The following PPP1R12C variants were observed in gnomAD, a reference collection of about 807,000 sequenced individuals.
The protein encoded by PPP1R12C is protein phosphatase 1 regulatory subunit 12C.
PPP1R12C carries 48 observed loss-of-function variants against 95.6 expected under a neutral mutation model. The ratio of observed to expected loss-of-function variants is 0.50; its 90% confidence interval spans 0.40 to 0.64. The LOEUF (loss-of-function observed/expected upper bound fraction) is 0.64. Among genes scored for constraint, PPP1R12C ranks in the 30% least tolerant of loss-of-function variants. PPP1R12C has a pLI of 0.00. For missense variants in PPP1R12C, 1,057 were observed against 1,083.3 expected (o/e 0.98, Z 0.34); for synonymous variants, 480 against 460.8 (o/e 1.04, Z -0.53).
At chr19:55,104,330 T>C (rs192088630) in intron 3 of PPP1R12C, among the ~76,000 whole-genome samples, 72 of 149,846 alleles carry the variant, frequency 4.8e-4, no homozygotes, top group Non-Finnish European at 8.4e-4. Flanking sequence ...ATAAAACCTA[T>C]ATATATATCT....
rs540630506 is a variant in PPP1R12C at position 55,112,391 on chromosome 19, G to A, written c.571+76C>T. On this transcript the variant is annotated intron_variant, in intron 3 of 21. Transcript: ENST00000263433. The stretch of plus-strand genomic sequence containing the variant: ...CAGGGTCAGCCTCGGTGCCCAGGCC[G>A]CCTCTAAAGCTCTCAGCCTGGAGAC... The A allele has an allele frequency of 4.0e-5, 53 of 1,338,476 alleles. No homozygotes were observed. The African/African-American group carries it at 4.7e-4, about 12-fold the overall frequency. The allele number at this position is 1,338,476 out of a possible 1,614,324, so 82.9% of individuals were successfully genotyped here.
intron 1 of PPP1R12C, chr19:55,113,503 G>T (rs975878236): frequency 1.2e-5 from 17 of 1,418,606 alleles, no homozygotes; most frequent in African/African-American, 1.2e-4. Flanking sequence ...TTCCCTTAGG[G>T]GTCCAAAACT....
chr19:55,113,391 C>A (rs2085119089), intron 1 of PPP1R12C: 1 of 1,471,250 alleles, frequency 6.8e-7, no homozygotes, highest in Non-Finnish European at 9.0e-7. Flanking sequence ...CAGCTGCACA[C>A]CTGTGTGCCT....
intron 1 of PPP1R12C, 52 bp from the exon 2 acceptor site, chr19:55,112,847 AGCAAGTC>A: frequency 6.2e-7 from 1 of 1,604,148 alleles, no homozygotes; most frequent in Non-Finnish European, 8.5e-7. Flanking sequence ...ACGGTGTCCC[AGCAAGTC>A]GGGACTCCAG....
At chr19:55,105,677 T>C (rs1014715444) in intron 3 of PPP1R12C, among the ~76,000 whole-genome samples, 2 of 152,222 alleles carry the variant, frequency 1.3e-5, no homozygotes, top group African/African-American at 4.8e-5. Context: ...CCAGGCACCA[T>C]GGCTCATGCC....
At position 55,109,448 on chromosome 19, in the gene PPP1R12C, CAA is replaced by C. The variant is rs935731605; in HGVS notation, c.571+3017_571+3018del. ...CAGGAGGAACGGGTTTTGGTTCTTG[CAA>C]AGAGTCATGCCCGATTCAGCCCCTG... On this transcript the variant is annotated intron_variant, in intron 3 of 21. Transcript: ENST00000263433. This position sits in a 1 kb window ranked among gnomAD's most constrained non-coding sequence, Gnocchi z 4.4. 1.2e-4 allele frequency among the ~76,000 whole-genome samples: 18 copies of C among 152,334 alleles called. No individual in the cohort carries two copies. The highest frequency in any genetic ancestry group is 3.8e-4 in the African/African-American group (16 of 41,578).
intron 4 of PPP1R12C, 82 bp from the exon 5 acceptor site, chr19:55,099,177 G>C: frequency 7.1e-7 from 1 of 1,412,740 alleles, no homozygotes; most frequent in African/African-American, 1.4e-5. Flanking sequence ...GTTTGGTAAC[G>C]AGGTCCCAGG....
At position 55,091,699 on chromosome 19, in the gene PPP1R12C, T is replaced by C; in HGVS notation, c.2213A>G (p.Glu738Gly). 1 of 1,612,334 alleles carries C rather than the reference T, an allele frequency of 6.2e-7. No individual in the cohort carries two copies. The highest frequency in any genetic ancestry group is 8.5e-7 in the Non-Finnish European group (1 of 1,179,652). ...RPALLELERF[E>G]RRALERKAAE... The stretch of plus-strand genomic sequence containing the variant: ...GGCCTTGCGTTCCAGGGCCCTGCGC[T>C]CCTGGAATGAACAGGGAAAGTGCAG... The change falls in exon 21 of 22, where the codon GAG becomes GGG. Residue 738 changes from glutamate (E) to glycine (G), a missense_variant and splice_region_variant. Around this residue, in one of 5 missense-constraint regions of PPP1R12C, gnomAD observed 347 missense variants for 307.9 expected, o/e 1.13. Coordinates refer to ENST00000263433, the MANE Select transcript of PPP1R12C (RefSeq NM_017607.4).
At chr19:55,092,995 C>G in intron 15 of PPP1R12C, 21 bp downstream of exon 15, 1 of 1,564,998 alleles carries the variant, frequency 6.4e-7, no homozygotes, top group Non-Finnish European at 8.7e-7. Context: ...TGGGAATGAC[C>G]TCCCCGAGAG....
intron 16 of PPP1R12C, 27 bp from the exon 17 acceptor site, chr19:55,092,689 T>G: frequency 6.6e-7 from 1 of 1,523,202 alleles, no homozygotes; most frequent in Non-Finnish European, 8.8e-7. Flanking sequence ...GGGGGTTCAA[T>G]GGGTATGGGA....
chr19:55,095,817 C>T (rs2084904614), intron 9 of PPP1R12C, 50 bp downstream of exon 9: 1 of 1,590,728 alleles, frequency 6.3e-7, no homozygotes, highest in East Asian at 2.2e-5. Flanking sequence ...TATGGAATCC[C>T]ACCTCCGGGC....
Position 55,113,665 on chromosome 19 carries a change from T to C in PPP1R12C, c.322-870A>G, listed in dbSNP as rs199736209. The C allele has an allele frequency of 8.6e-5, 101 of 1,172,812 alleles. No individual in the cohort carries two copies. The East Asian group carries it at 3.1e-3, about 36-fold the overall frequency. 72.7% of individuals were successfully genotyped at this position (1,172,812 alleles called of 1,614,324 possible). A position where few individuals can be genotyped will look rare whatever the true frequency, so the allele number is the denominator to read the frequency against. ...CGGGATAAATTACCCCCCAAGTCCC[T>C]CACCTCTCCAAAGCTGCCCATCTGG... On this transcript the variant is annotated intron_variant, in intron 1 of 21. Coordinates refer to ENST00000263433, the MANE Select transcript of PPP1R12C (RefSeq NM_017607.4).
rs771965841 is a variant in PPP1R12C, at chr19:55,091,674, G to C, written c.2238C>G (p.Ala746=). The C allele has an allele frequency of 3.7e-6, 6 of 1,612,498 alleles. No homozygotes were observed. The highest frequency in any genetic ancestry group is 5.1e-6 in the Non-Finnish European group (6 of 1,179,652). ...CCTTCAGCTCCTCCTCCAGCTCTGC[G>C]GCCTTGCGTTCCAGGGCCCTGCGCT... ...RFERRALERK[A]AELEEELKAL... is the part of the protein sequence containing the mutation. The change falls in exon 21 of 22, where the codon GCC becomes GCG. Residue 746 remains alanine (A), a synonymous_variant. Coordinates refer to ENST00000263433, the MANE Select transcript of PPP1R12C (RefSeq NM_017607.4).
At chr19:55,116,869 G>A (rs900731291) in intron 1 of PPP1R12C, among the ~76,000 whole-genome samples, 9 of 152,186 alleles carry the variant, frequency 5.9e-5, no homozygotes, top group African/African-American at 2.2e-4. Context: ...AGTCGAGGGA[G>A]GGATGGTAAG....
chr19:55,112,629 C>T, intron 2 of PPP1R12C, 36 bp downstream of exon 2: 1 of 1,612,486 alleles, frequency 6.2e-7, no homozygotes, highest in Non-Finnish European at 8.5e-7. Flanking sequence ...AGGCCCCCAC[C>T]CCGACCAGGT....
At chr19:55,103,848 T>A (rs1253452875) in intron 3 of PPP1R12C, among the ~76,000 whole-genome samples, 1 of 151,946 alleles carries the variant, frequency 6.6e-6, no homozygotes, top group African/African-American at 2.4e-5. Context: ...CGTATTTTTA[T>A]TATTTTTAAT....
At chr19:55,097,198 C>T (rs2084926591) in intron 6 of PPP1R12C, 2 of 173,718 alleles carry the variant, frequency 1.2e-5, no homozygotes, top group Non-Finnish European at 2.1e-5. Flanking sequence ...ACCCCTTCTC[C>T]GCGCAGTTCA....
At chr19:55,103,644 C>A in intron 3 of PPP1R12C, 76 bp from the exon 4 acceptor site, 2 of 1,390,830 alleles carry the variant, frequency 1.4e-6, no homozygotes, top group Non-Finnish European at 1.9e-6. Context: ...CTGGGCTGGC[C>A]AGGGTTCAGC....
intron 1 of PPP1R12C, 168 bp from the exon 2 acceptor site, chr19:55,112,963 G>A: frequency 1.0e-6 from 1 of 964,106 alleles, no homozygotes; most frequent in East Asian, 2.6e-5. Context: ...ACGCCTGGTT[G>A]CCCAGTGGTC....
Sources: allele counts gnomAD v4.1 joint callset (sites outside exome capture counted in the v4.1 genomes callset), GRCh38; gene constraint gnomAD v4.1.1; regional missense constraint gnomAD v4.1.1; non-coding constraint Gnocchi (gnomAD v3.1); transcripts MANE v1.5; gene names NCBI Gene and HGNC (gene_info 2026-07-23, HGNC 2026-07-21).